The following WWOX variants were observed in gnomAD, a reference collection of about 807,000 sequenced individuals.
WWOX encodes the protein WW domain containing oxidoreductase, also known as WW domain-containing oxidoreductase.
A neutral mutation model predicts 46.2 loss-of-function variants in WWOX; 69 were observed. That is an observed-to-expected ratio of 1.49 (90% CI 1.23 to 1.82). The LOEUF is 1.82. WWOX is among the 40% of genes most tolerant of loss of function. WWOX has a pLI of 0.00. For missense variants in WWOX, 919 were observed against 542.6 expected (o/e 1.69, Z -6.89); for synonymous variants, 359 against 202.6 (o/e 1.77, Z -6.56).
rs200594331 is a variant in WWOX, at chr16:78,123,435, G to GT, written c.409+8285dup. On this transcript the variant is annotated intron_variant, in intron 4 of 8. Transcript: ENST00000566780. ...CCCTATGTTTTTTTCTTTGTTTTTT[G>GT]TTTTGTTTTTTTTTTTTTTGTTTTT... 56 of 48,708 alleles carry GT rather than the reference G, an allele frequency of 1.1e-3. 4 individuals are homozygous for GT. Among genetic ancestry groups the GT allele is most frequent in the African/African-American group, 2.5e-3 (33 of 13,162 alleles). The allele number at this position is 48,708 out of a possible 1,614,324, so 3.0% of individuals were successfully genotyped here.
In WWOX at chr16:79,210,684, C is replaced by G. The variant is rs369725662; in HGVS notation, c.1057-924C>G. 5.3e-5 allele frequency among the ~76,000 whole-genome samples: 8 copies of G among 152,218 alleles called. 1 individual carries two copies. The highest frequency in any genetic ancestry group is 3.4e-3 in the Middle Eastern group (1 of 294). On this transcript the variant is annotated intron_variant, in intron 8 of 8. Transcript: ENST00000566780. ...TAAATTAGAGACGTGCCGACCATGT[C>G]TCCCTCTGAACAGCAGCCTATTATT...
At chr16:78,774,624 G>A (rs977833190) in intron 8 of WWOX, among the ~76,000 whole-genome samples, 8 of 151,810 alleles carry the variant, frequency 5.3e-5, no homozygotes, top group African/African-American at 7.3e-5. Context: ...GGCACATGGC[G>A]TTGTTCTTAA....
intron 5 of WWOX, among the ~76,000 whole-genome samples, chr16:78,228,556 G>A (rs964980223): frequency 1.3e-5 from 2 of 152,040 alleles, no homozygotes; most frequent in Non-Finnish European, 2.9e-5. Context: ...TGCCCAGGCA[G>A]GTCTCAAACT....
chr16:78,906,868 A>G (rs1035095331), intron 8 of WWOX, among the ~76,000 whole-genome samples: 4 of 152,336 alleles, frequency 2.6e-5, no homozygotes, highest in Middle Eastern at 3.4e-3. Context: ...CAAGCTTCCT[A>G]ACTCCATGGT....
intron 8 of WWOX, among the ~76,000 whole-genome samples, chr16:78,808,098 G>A (rs2051090408): frequency 6.6e-6 from 1 of 152,120 alleles, no homozygotes; most frequent in South Asian, 2.1e-4. Flanking sequence ...CTCTCCTAGG[G>A]CCTAGGCCCA....
In WWOX at chr16:79,191,437, T is replaced by G. The variant is rs529291175; in HGVS notation, c.1057-20171T>G. Among the ~76,000 whole-genome samples the G allele has an allele frequency of 3.3e-4, 50 of 152,168 alleles. No individual in the cohort carries two copies. The South Asian group carries it at 5.2e-3, about 16-fold the overall frequency. The stretch of plus-strand genomic sequence containing the variant: ...CATGGATTCTATTAAATCTAACACC[T>G]TTATCTTTGCATTTCCATACATTTT... On this transcript the variant is annotated intron_variant, in intron 8 of 8. Coordinates refer to ENST00000566780, the MANE Select transcript of WWOX (RefSeq NM_016373.4).
intron 8 of WWOX, among the ~76,000 whole-genome samples, chr16:79,149,053 G>C (rs1457848780): frequency 2.6e-5 from 4 of 151,926 alleles, no homozygotes; most frequent in Admixed American, 2.0e-4. Context: ...GTAGTGGCTA[G>C]AACTTCCTGT....
rs550471550 is a variant in WWOX, at chr16:78,102,924, A to T, written c.107+3039A>T. On this transcript the variant is annotated intron_variant, in intron 1 of 8. Coordinates refer to ENST00000566780, the MANE Select transcript of WWOX (RefSeq NM_016373.4). ...ACTGGGCCCCAGAGTACAAAGATGC[A>T]CATGACCCGCTTCCGGCTTCCTAAG... Among the ~76,000 whole-genome samples the T allele has an allele frequency of 3.9e-5, 6 of 152,294 alleles. No homozygotes were observed. In the East Asian group the frequency reaches 7.8e-4, roughly 20 times the overall value.
At chr16:78,173,455 ATTTT>A (rs35394224) in intron 5 of WWOX, among the ~76,000 whole-genome samples, 6 of 135,846 alleles carry the variant, frequency 4.4e-5, no homozygotes, top group Admixed American at 7.4e-5. Flanking sequence ...CACCTGGCTA[ATTTT>A]TTTTTTTTTT....
chr16:78,887,844 T>G (rs1015782916), intron 8 of WWOX, among the ~76,000 whole-genome samples: 1 of 152,222 alleles, frequency 6.6e-6, no homozygotes, highest in African/African-American at 2.4e-5. Flanking sequence ...TTTAAGTGTT[T>G]AACAGTAATT....
At chr16:78,403,780 A>T (rs79296864) in intron 6 of WWOX, among the ~76,000 whole-genome samples, 1 of 152,202 alleles carries the variant, frequency 6.6e-6, no homozygotes. Flanking sequence ...CTGCCTAGGC[A>T]TTGTCAAGTA....
At chr16:78,696,513 A>T (rs1042190134) in intron 8 of WWOX, among the ~76,000 whole-genome samples, 24 of 151,640 alleles carry the variant, frequency 1.6e-4, no homozygotes, top group African/African-American at 5.6e-4. Context: ...GTGGTAGGAT[A>T]CTCTCTCACA....
At chr16:78,292,654 T>C (rs1157940821) in intron 5 of WWOX, among the ~76,000 whole-genome samples, 1 of 152,162 alleles carries the variant, frequency 6.6e-6, no homozygotes, top group Non-Finnish European at 1.5e-5. Context: ...AATAAAGCTC[T>C]TCCTAAATTT....
chr16:79,109,053 G>A (rs2150650819), intron 8 of WWOX, among the ~76,000 whole-genome samples: 1 of 152,024 alleles, frequency 6.6e-6, no homozygotes, highest in Middle Eastern at 3.4e-3. Context: ...TGAGTGTGTT[G>A]TCTTTGTGTC....
intron 8 of WWOX, among the ~76,000 whole-genome samples, chr16:78,876,075 G>C (rs1314286083): frequency 1.3e-5 from 2 of 152,020 alleles, no homozygotes; most frequent in Non-Finnish European, 2.9e-5. Context: ...CTGCCAACCT[G>C]CTCTTTTTGT....
chr16:78,840,859 C>G (rs1466086300), intron 8 of WWOX, among the ~76,000 whole-genome samples: 1 of 151,846 alleles, frequency 6.6e-6, no homozygotes, highest in Non-Finnish European at 1.5e-5. Context: ...CCAGGGGATG[C>G]CTGCCTTGTT....
intron 5 of WWOX, chr16:78,168,259 T>G (rs1334360975): frequency 2.0e-5 from 3 of 152,394 alleles, no homozygotes; most frequent in East Asian, 3.9e-4. Context: ...CTGCCTTCAC[T>G]GCACATTCCG....
chr16:78,959,171 A>G (rs2046226244), intron 8 of WWOX, among the ~76,000 whole-genome samples: 2 of 152,238 alleles, frequency 1.3e-5, no homozygotes, highest in South Asian at 2.1e-4. Flanking sequence ...GTAAAATATC[A>G]ATGGGCCATC....
At chr16:78,933,584 G>A (rs1408371218) in intron 8 of WWOX, among the ~76,000 whole-genome samples, 2 of 152,202 alleles carry the variant, frequency 1.3e-5, no homozygotes, top group African/African-American at 2.4e-5. Context: ...TCATGCTGCT[G>A]ATAAAGACAT....
Sources: allele counts gnomAD v4.1 joint callset (sites outside exome capture counted in the v4.1 genomes callset), GRCh38; gene constraint gnomAD v4.1.1; transcripts MANE v1.5; gene names NCBI Gene and HGNC (gene_info 2026-07-23, HGNC 2026-07-21).